Variants in ZNF600 observed in about 807,000 individuals in gnomAD.
ZNF600 encodes zinc finger protein KR-ZNF1.
A neutral mutation model predicts 7.3 loss-of-function variants in ZNF600; 4 were observed. The observed-to-expected ratio is 0.55, with a 90% CI of 0.27 to 1.25. The LOEUF (loss-of-function observed/expected upper bound fraction) is 1.25, where lower values mean the gene tolerates loss of function less well. Among genes scored for constraint, ZNF600 ranks in the 50% most tolerant of loss-of-function variants. The pLI is 0.12. For missense variants in ZNF600, 911 were observed against 922.1 expected, an observed-to-expected ratio of 0.99 and a Z score of 0.16; for synonymous variants, 290 against 308.9, an observed-to-expected ratio of 0.94 and a Z score of 0.64.
chr19:52,800,604 T>G, the ZNF600 span: 3 of 1,613,884 alleles, frequency 1.9e-6, no homozygotes, highest in Non-Finnish European at 1.7e-6. Flanking sequence ...GTCACAAACC[T>G]TACATTTGTA....
chr19:52,779,843 C>T (rs1377910555), intron 1 of ZNF600, among the ~76,000 whole-genome samples: 2 of 152,092 alleles, frequency 1.3e-5, no homozygotes, highest in Admixed American at 6.6e-5. Context: ...GAGGTGGACA[C>T]CAGCCAGCCA....
the ZNF600 span, among the ~76,000 whole-genome samples, chr19:52,825,536 T>C: frequency 4.6e-5 from 7 of 151,316 alleles, no homozygotes; most frequent in Non-Finnish European, 7.4e-5. Flanking sequence ...TAGCCAAGCA[T>C]GATGGCACAT....
downstream of ZNF600, chr19:52,764,470 C>T (rs2062552905): frequency 6.8e-6 from 1 of 147,132 alleles, no homozygotes; most frequent in Middle Eastern, 3.4e-3. Flanking sequence ...CATCAGTCTA[C>T]CAAAGTGTTG....
the ZNF600 span, chr19:52,801,522 T>C: frequency 1.5e-5 from 24 of 1,614,052 alleles, no homozygotes; most frequent in Admixed American, 2.0e-4. Flanking sequence ...TGCTGCATGG[T>C]CATTTGTTTC....
At chr19:52,822,756 C>T in the ZNF600 span, among the ~76,000 whole-genome samples, 4 of 152,178 alleles carry the variant, frequency 2.6e-5, no homozygotes, top group Admixed American at 2.0e-4. Context: ...CTTTAACCCA[C>T]GTCTTTTTGA....
At chr19:52,823,447 C>T in the ZNF600 span, among the ~76,000 whole-genome samples, 1 of 152,108 alleles carries the variant, frequency 6.6e-6, no homozygotes, top group Non-Finnish European at 1.5e-5. Flanking sequence ...AATTCCTGAC[C>T]TCAAGTGATC....
the ZNF600 span, chr19:52,799,575 T>C: frequency 7.2e-6 from 11 of 1,534,582 alleles, no homozygotes; most frequent in Admixed American, 5.2e-5. Context: ...TGAATTGTGA[T>C]GGAAGGTGTT....
At chr19:52,814,688 C>T in the ZNF600 span, among the ~76,000 whole-genome samples, 1 of 145,722 alleles carries the variant, frequency 6.9e-6, no homozygotes, top group African/African-American at 2.7e-5. Flanking sequence ...AAATGAAAAC[C>T]ATCCTGGCTA....
At chr19:52,799,432 A>G in the ZNF600 span, 1 of 738,502 alleles carries the variant, frequency 1.4e-6, no homozygotes, top group Non-Finnish European at 2.3e-6. Context: ...CATTCTTCCT[A>G]TTTGTAAAGT....
At chr19:52,826,637 C>T in the ZNF600 span, among the ~76,000 whole-genome samples, 1 of 151,940 alleles carries the variant, frequency 6.6e-6, no homozygotes, top group Non-Finnish European at 1.5e-5. Context: ...ACCCGGGAGG[C>T]AGAGGTTGCA....
At chr19:52,802,243 C>T in the ZNF600 span, among the ~76,000 whole-genome samples, 2 of 152,126 alleles carry the variant, frequency 1.3e-5, no homozygotes, top group Non-Finnish European at 2.9e-5. Flanking sequence ...GTGGCCCGTG[C>T]CTGTACTCAC....
chr19:52,765,003 T>C, exon 4 of ZNF600: 1 of 233,210 alleles, frequency 4.3e-6, no homozygotes, highest in Non-Finnish European at 8.6e-6. Flanking sequence ...CCAACCGTGC[T>C]GGAATTACAG....
At chr19:52,786,231 C>T (rs1412039931) in intron 1 of ZNF600, among the ~76,000 whole-genome samples, 1 of 152,084 alleles carries the variant, frequency 6.6e-6, no homozygotes, top group African/African-American at 2.4e-5. Flanking sequence ...TCAGGGGAAG[C>T]GAAGACTTGG....
At chr19:52,817,855 A>G in the ZNF600 span, 6 of 1,593,420 alleles carry the variant, frequency 3.8e-6, no homozygotes, top group African/African-American at 2.7e-5. Context: ...CAGGCAGGAC[A>G]CTTCAGACTC....
the ZNF600 span, chr19:52,801,691 T>C: frequency 6.2e-6 from 10 of 1,611,136 alleles, no homozygotes; most frequent in Non-Finnish European, 7.6e-6. Context: ...ATCATGCATT[T>C]GGAAGAGATA....
intron 2 of ZNF600, among the ~76,000 whole-genome samples, chr19:52,777,596 C>A (rs766376618): frequency 2.0e-5 from 3 of 152,110 alleles, no homozygotes; most frequent in Admixed American, 6.6e-5. Context: ...CTTTGGGAGT[C>A]CAAGACAGGC....
At chr19:52,783,262 C>G (rs1020065269) in intron 1 of ZNF600, among the ~76,000 whole-genome samples, 1 of 152,190 alleles carries the variant, frequency 6.6e-6, no homozygotes, top group African/African-American at 2.4e-5. Flanking sequence ...ACAGAGAAAA[C>G]AACATGTCAT....
chr19:52,800,263 A>G, the ZNF600 span: 5 of 1,613,450 alleles, frequency 3.1e-6, no homozygotes, highest in Non-Finnish European at 4.2e-6. Context: ...ACCTTGCCAC[A>G]TTCATTACAC....
upstream of ZNF600, among the ~76,000 whole-genome samples, chr19:52,790,746 G>A (rs1048952940): frequency 3.4e-4 from 50 of 145,424 alleles, no homozygotes; most frequent in African/African-American, 1.3e-3. Flanking sequence ...GAGTGCAGTG[G>A]CACAATCTCG....
Sources: gnomAD v4.1 joint callset for allele counts (sites outside exome capture counted in the v4.1 genomes callset) on GRCh38, gnomAD v4.1.1 for gene constraint, MANE v1.5 for transcripts, NCBI Gene and HGNC (gene_info 2026-07-23, HGNC 2026-07-21) for gene names.